The following KCNMA1 variants were observed in gnomAD, a reference collection of about 807,000 sequenced individuals.
KCNMA1 encodes the protein Calcium-activated potassium channel subunit alpha-1.
KCNMA1 carries 29 observed loss-of-function variants against 140.0 expected under a neutral mutation model. The observed-to-expected ratio is 0.21, with a 90% confidence interval of 0.15 to 0.28. KCNMA1 has a LOEUF of 0.28. Among genes scored for constraint, KCNMA1 ranks in the 10% least tolerant of loss-of-function variants. KCNMA1 has a pLI of 1.00. For missense variants in KCNMA1, 880 were observed against 1,602.2 expected, an observed-to-expected ratio of 0.55 and a Z score of 7.70; for synonymous variants, 612 against 611.9, an observed-to-expected ratio of 1.00 and a Z score of 0.00.
At chr10:77,545,709 C>T (rs1377973162) in intron 1 of KCNMA1, among the ~76,000 whole-genome samples, 1 of 152,182 alleles carries the variant, frequency 6.6e-6, no homozygotes, top group Non-Finnish European at 1.5e-5. Flanking sequence ...TATTCTGCTC[C>T]CTTGGTTTCA....
intron 1 of KCNMA1, among the ~76,000 whole-genome samples, chr10:77,592,972 C>G (rs1195918057): frequency 3.3e-5 from 5 of 152,104 alleles, no homozygotes; most frequent in Non-Finnish European, 7.4e-5. Flanking sequence ...CTGGAATTGC[C>G]CTGGTCTCTT....
At chr10:77,056,006 T>A (rs905750737) in intron 14 of KCNMA1, among the ~76,000 whole-genome samples, 1 of 152,136 alleles carries the variant, frequency 6.6e-6, no homozygotes, top group African/African-American at 2.4e-5. Flanking sequence ...CAGATCCAAA[T>A]AGCACTGCCA....
chr10:76,941,683 G>A (rs1353261275), intron 23 of KCNMA1, among the ~76,000 whole-genome samples: 1 of 152,174 alleles, frequency 6.6e-6, no homozygotes, highest in Non-Finnish European at 1.5e-5. Context: ...CCTCTCCACT[G>A]CTGACCAGGG....
chr10:77,456,191 G>A lies in KCNMA1; in HGVS notation c.379-52168C>T, dbSNP rs114395336. On this transcript the variant is annotated intron_variant, in intron 1 of 27. Coordinates refer to ENST00000286628, the MANE Select transcript of KCNMA1 (RefSeq NM_001161352.2). ...AGTCAAAGACTGTGAGGCAGGATTC[G>A]TCTTTGGCCACATAGGCATGGATTC... is the stretch of plus-strand genomic sequence containing the variant. Among the ~76,000 whole-genome samples, 745 of 152,270 alleles carry A rather than the reference G, an allele frequency of 4.9e-3. 4 individuals are homozygous for A. Among genetic ancestry groups the A allele is most frequent in the African/African-American group, 0.016 (678 of 41,554 alleles).
chr10:77,189,458 G>A (rs187217542), intron 3 of KCNMA1, among the ~76,000 whole-genome samples: 4 of 152,236 alleles, frequency 2.6e-5, no homozygotes, highest in East Asian at 1.9e-4. Context: ...ACCAGTGGAC[G>A]TTCCAATTAA....
intron 1 of KCNMA1, among the ~76,000 whole-genome samples, chr10:77,455,980 T>C (rs1190908372): frequency 6.6e-6 from 1 of 152,190 alleles, no homozygotes; most frequent in African/African-American, 2.4e-5. Context: ...GCTGATGAAT[T>C]GAACAGAAAT....
At chr10:77,592,945 C>T (rs981144783) in intron 1 of KCNMA1, among the ~76,000 whole-genome samples, 11 of 152,190 alleles carry the variant, frequency 7.2e-5, no homozygotes, top group African/African-American at 2.7e-4. Context: ...ACCAGGAGCA[C>T]CTCCACCTTC....
intron 3 of KCNMA1, among the ~76,000 whole-genome samples, chr10:77,215,407 C>CTTTTT (rs5786271): frequency 1.6e-4 from 21 of 132,932 alleles, no homozygotes; most frequent in Non-Finnish European, 2.9e-4. Flanking sequence ...TTTATTTTTG[C>CTTTTT]TTTTTTTTTT....
At chr10:77,151,400 G>A (rs1009158361) in intron 5 of KCNMA1, among the ~76,000 whole-genome samples, 1 of 151,996 alleles carries the variant, frequency 6.6e-6, no homozygotes, top group African/African-American at 2.4e-5. Context: ...GCTAATTTTT[G>A]TATTTTTAGT....
intron 1 of KCNMA1, among the ~76,000 whole-genome samples, chr10:77,440,771 A>C (rs376675172): frequency 6.6e-6 from 1 of 152,096 alleles, no homozygotes; most frequent in East Asian, 1.9e-4. Flanking sequence ...CTTGAACAGG[A>C]GAGAGTAGGG....
At position 76,920,552 on chromosome 10, in the gene KCNMA1, A is replaced by AT. The variant is rs527970307; in HGVS notation, c.2903-5504_2903-5503insA. 2.1e-3 allele frequency among the ~76,000 whole-genome samples: 319 copies of AT among 152,312 alleles called. 2 individuals are homozygous for AT. Among genetic ancestry groups the AT allele is most frequent in the Middle Eastern group, 0.014 (4 of 294 alleles). On this transcript the variant is annotated intron_variant, in intron 23 of 27. Coordinates refer to ENST00000286628, the MANE Select transcript of KCNMA1 (RefSeq NM_001161352.2). ...GCTTCTTATGTGCCAGGCTGGGCTA[A>AT]GGGTTTTTTCATGGGCCACCTTGTT...
chr10:77,346,898 C>G (rs550739118), intron 2 of KCNMA1, among the ~76,000 whole-genome samples: 1 of 152,212 alleles, frequency 6.6e-6, no homozygotes, highest in African/African-American at 2.4e-5. Flanking sequence ...GATTAAAATG[C>G]CCATTGCCCG....
intron 13 of KCNMA1, among the ~76,000 whole-genome samples, chr10:77,076,319 C>T (rs536858449): frequency 6.6e-6 from 1 of 152,162 alleles, no homozygotes; most frequent in African/African-American, 2.4e-5. Context: ...GATACTTTTC[C>T]AAGAAGTTAT....
At chr10:77,039,674 T>A in intron 14 of KCNMA1, 37 bp from the exon 15 acceptor site, 1 of 1,314,978 alleles carries the variant, frequency 7.6e-7, no homozygotes. Context: ...GTTTAAAATA[T>A]GACGGTGGGC....
At chr10:77,243,939 A>T (rs1345564439) in intron 3 of KCNMA1, among the ~76,000 whole-genome samples, 2 of 152,218 alleles carry the variant, frequency 1.3e-5, no homozygotes, top group Non-Finnish European at 2.9e-5. Context: ...AACTAATCCC[A>T]CGCAGCCACC....
At chr10:77,217,512 G>C (rs1443222937) in intron 3 of KCNMA1, 2 of 456,436 alleles carry the variant, frequency 4.4e-6, no homozygotes, top group African/African-American at 4.0e-5. Flanking sequence ...GGCCACCCTG[G>C]AATTTCCTGC....
chr10:77,135,229 G>A (rs2097981702), intron 5 of KCNMA1, among the ~76,000 whole-genome samples: 1 of 151,958 alleles, frequency 6.6e-6, no homozygotes, highest in Non-Finnish European at 1.5e-5. Flanking sequence ...ATAGCCAACA[G>A]TAAATGTTTA....
intron 2 of KCNMA1, among the ~76,000 whole-genome samples, chr10:77,306,270 T>G (rs143079113): frequency 2.7e-4 from 41 of 152,216 alleles, no homozygotes; most frequent in African/African-American, 9.9e-4. Context: ...AACAGAAAAC[T>G]ACATGGATAA....
At chr10:77,589,735 C>T (rs1048414679) in intron 1 of KCNMA1, among the ~76,000 whole-genome samples, 3 of 152,226 alleles carry the variant, frequency 2.0e-5, no homozygotes, top group Non-Finnish European at 2.9e-5. Flanking sequence ...CTGGCTCAGG[C>T]AGGAGTGAAG....
Sources: allele counts gnomAD v4.1 joint callset (sites outside exome capture counted in the v4.1 genomes callset), GRCh38; gene constraint gnomAD v4.1.1; transcripts MANE v1.5; gene names NCBI Gene and HGNC (gene_info 2026-07-23, HGNC 2026-07-21).